Variants in SPAG16 observed in about 807,000 individuals in gnomAD.
The protein encoded by SPAG16 is sperm-associated antigen 16 protein.
Under a neutral mutation model 80.4 loss-of-function variants are expected in SPAG16, and 86 were observed. The observed-to-expected ratio is 1.07, with a 90% confidence interval of 0.90 to 1.28. The LOEUF (loss-of-function observed/expected upper bound fraction) is 1.28, where lower values mean the gene tolerates loss of function less well. Ranked by LOEUF, SPAG16 falls within the 50% of genes most tolerant of loss-of-function variation. SPAG16 has a pLI of 0.00. For synonymous variants in SPAG16, 294 were observed against 265.9 expected, an observed-to-expected ratio of 1.11 and a Z score of -1.03; for missense variants, 870 against 765.3, an observed-to-expected ratio of 1.14 and a Z score of -1.61.
intron 15 of SPAG16, among the ~76,000 whole-genome samples, chr2:214,352,336 C>T (rs772969752): frequency 8.5e-5 from 13 of 152,190 alleles, no homozygotes; most frequent in Non-Finnish European, 1.8e-4. Context: ...TGGTTTGACA[C>T]ATTAGAGAGC....
At chr2:213,995,885 C>A (rs1033136387) in intron 12 of SPAG16, among the ~76,000 whole-genome samples, 2 of 152,198 alleles carry the variant, frequency 1.3e-5, no homozygotes, top group Non-Finnish European at 2.9e-5. Context: ...TAGAATGATA[C>A]TAAATTCTTT....
intron 9 of SPAG16, among the ~76,000 whole-genome samples, chr2:213,412,305 A>G (rs942263573): frequency 2.0e-4 from 30 of 152,206 alleles, no homozygotes; most frequent in African/African-American, 6.8e-4. Flanking sequence ...GGGGAACAAC[A>G]CAGCAGCAGG....
At chr2:213,329,482 G>C (rs1376997092) in intron 5 of SPAG16, among the ~76,000 whole-genome samples, 1 of 152,196 alleles carries the variant, frequency 6.6e-6, no homozygotes, top group Non-Finnish European at 1.5e-5. Context: ...CTAGAGATTT[G>C]TGGAACTTTG....
chr2:214,304,521 A>G (rs1029430950), intron 15 of SPAG16, among the ~76,000 whole-genome samples: 2 of 152,182 alleles, frequency 1.3e-5, no homozygotes, highest in Non-Finnish European at 2.9e-5. Context: ...AGTTGATCTA[A>G]TATCTATAGA....
chr2:214,194,750 T>C (rs150965406), intron 15 of SPAG16, among the ~76,000 whole-genome samples: 1 of 152,192 alleles, frequency 6.6e-6, no homozygotes, highest in Non-Finnish European at 1.5e-5. Flanking sequence ...ATCCTTATCA[T>C]ATTGTTAGAT....
chr2:213,494,309 A>T (rs2074391037), intron 10 of SPAG16, among the ~76,000 whole-genome samples: 1 of 152,128 alleles, frequency 6.6e-6, no homozygotes, highest in Non-Finnish European at 1.5e-5. Context: ...TGAATATCTA[A>T]TAGGTTTCTC....
intron 10 of SPAG16, among the ~76,000 whole-genome samples, chr2:213,662,832 C>A (rs1321781220): frequency 6.6e-6 from 1 of 151,778 alleles, no homozygotes; most frequent in Non-Finnish European, 1.5e-5. Flanking sequence ...CTAAAGAGAT[C>A]AGATTGTATT....
At chr2:214,022,050 G>A (rs1161374679) in intron 13 of SPAG16, among the ~76,000 whole-genome samples, 1 of 151,956 alleles carries the variant, frequency 6.6e-6, no homozygotes, top group Non-Finnish European at 1.5e-5. Context: ...ATCCCAAGAG[G>A]CAACCAAGAG....
At chr2:213,356,380 A>T (rs1250505429) in intron 7 of SPAG16, among the ~76,000 whole-genome samples, 1 of 152,044 alleles carries the variant, frequency 6.6e-6, no homozygotes, top group Non-Finnish European at 1.5e-5. Flanking sequence ...CTGATCTTGG[A>T]CTTTATTTGG....
chr2:214,140,982 A>G (rs914187923), intron 14 of SPAG16, among the ~76,000 whole-genome samples: 5 of 147,416 alleles, frequency 3.4e-5, no homozygotes, highest in Admixed American at 2.1e-4. Context: ...AGAGAGATAT[A>G]TATTTCTGTA....
At chr2:214,243,235 G>A (rs17817541) in intron 15 of SPAG16, among the ~76,000 whole-genome samples, 1,973 of 152,132 alleles carry the variant, frequency 0.013, 21 homozygotes, top group Non-Finnish European at 0.02. Flanking sequence ...AAGTGGTATC[G>A]GTAATCAAGG....
At chr2:213,340,460 A>C (rs979754651) in intron 6 of SPAG16, among the ~76,000 whole-genome samples, 190 bp downstream of exon 6, 2 of 152,142 alleles carry the variant, frequency 1.3e-5, no homozygotes, top group African/African-American at 4.8e-5. Context: ...AGTTAAGCAG[A>C]AATATACTGA....
intron 14 of SPAG16, among the ~76,000 whole-genome samples, chr2:214,114,745 C>G (rs759474831): frequency 1.5e-4 from 23 of 152,330 alleles, no homozygotes; most frequent in Non-Finnish European, 2.6e-4. Flanking sequence ...GGAAATCCCC[C>G]AAACCCTTGT....
intron 10 of SPAG16, among the ~76,000 whole-genome samples, chr2:213,725,131 CA>C (rs1283694982): frequency 6.6e-6 from 1 of 151,888 alleles, no homozygotes; most frequent in Admixed American, 6.6e-5. Flanking sequence ...TCCCTGAGCT[CA>C]GGTGATACTC....
At chr2:213,826,182 T>C (rs1417370323) in intron 10 of SPAG16, among the ~76,000 whole-genome samples, 2 of 151,924 alleles carry the variant, frequency 1.3e-5, no homozygotes. Flanking sequence ...TTAACTTCGT[T>C]TATCTTTCAA....
intron 12 of SPAG16, among the ~76,000 whole-genome samples, chr2:213,961,893 C>T (rs917375580): frequency 6.6e-6 from 1 of 151,980 alleles, no homozygotes; most frequent in Non-Finnish European, 1.5e-5. Flanking sequence ...ATATCAACCT[C>T]ATAGAATGAG....
At chr2:213,430,482 T>G (rs1277120155) in intron 9 of SPAG16, among the ~76,000 whole-genome samples, 1 of 152,150 alleles carries the variant, frequency 6.6e-6, no homozygotes, top group Non-Finnish European at 1.5e-5. Context: ...TTTTTAAAAC[T>G]CATCAGCTAT....
At chr2:213,915,650 G>A (rs1303281188) in intron 11 of SPAG16, among the ~76,000 whole-genome samples, 5 of 152,068 alleles carry the variant, frequency 3.3e-5, no homozygotes, top group East Asian at 1.9e-4. Flanking sequence ...GCCCAGTAAC[G>A]GGATTGCTGA....
intron 9 of SPAG16, among the ~76,000 whole-genome samples, chr2:213,473,300 C>A (rs564066829): frequency 6.6e-6 from 1 of 152,230 alleles, no homozygotes; most frequent in African/African-American, 2.4e-5. Context: ...CCACTTGGTC[C>A]CTGCCATCTC....
Sources: allele counts gnomAD v4.1 joint callset (sites outside exome capture counted in the v4.1 genomes callset), GRCh38; gene constraint gnomAD v4.1.1; transcripts MANE v1.5; gene names NCBI Gene and HGNC (gene_info 2026-07-23, HGNC 2026-07-21).